The following GC variants were observed in gnomAD, a reference collection of about 807,000 sequenced individuals.
GC encodes the protein vitamin D-binding protein.
In GC, 43 loss-of-function variants were observed where a neutral mutation model predicts 56.7. The observed-to-expected ratio is 0.76, with a 90% CI of 0.59 to 0.98. GC has a LOEUF of 0.98. Ranked by LOEUF, GC falls within the 50% of genes least tolerant of loss-of-function variation. The probability of loss-of-function intolerance (pLI) is 0.00; values close to 1 mark genes in which losing one functional copy is unlikely to be tolerated. For synonymous variants in GC, 216 were observed against 202.7 expected, an observed-to-expected ratio of 1.07 and a Z score of -0.56; for missense variants, 529 against 545.9, an observed-to-expected ratio of 0.97 and a Z score of 0.31.
In GC at chr4:71,741,850, C is replaced by T; in HGVS notation, c.*46G>A. 1 of 702,944 alleles carries T rather than the reference C, an allele frequency of 1.4e-6. No homozygotes were observed. Among genetic ancestry groups the T allele is most frequent in the Non-Finnish European group, 2.6e-6 (1 of 384,972 alleles). The allele number at this position is 702,944 out of a possible 1,614,324, so 43.5% of individuals were successfully genotyped here. A position where few individuals can be genotyped will look rare whatever the true frequency, so the allele number is the denominator to read the frequency against. ...GGTTAGGTCATCAGAGATCATTCCC[C>T]TGGGTGGCTCCAACTCTGGTCTATG... On this transcript the variant is annotated 3_prime_UTR_variant, in exon 13 of 13. Coordinates refer to ENST00000273951, the MANE Select transcript of GC (RefSeq NM_000583.4).
intron 2 of GC, among the ~76,000 whole-genome samples, 194 bp from the exon 3 acceptor site, chr4:71,768,627 G>T (rs527492451): frequency 2.6e-5 from 4 of 152,000 alleles, no homozygotes; most frequent in Admixed American, 2.6e-4. Context: ...CAATACGCCC[G>T]GCTAATTTTT....
upstream of GC, among the ~76,000 whole-genome samples, chr4:71,788,501 G>A (rs766667718): frequency 6.6e-6 from 1 of 151,006 alleles, no homozygotes; most frequent in Non-Finnish European, 1.5e-5. Flanking sequence ...AGTTTATGAG[G>A]TCTTGTATAA....
chr4:71,764,053 C>T (rs1265592308), intron 4 of GC, 117 bp from the exon 5 acceptor site: 2 of 742,776 alleles, frequency 2.7e-6, no homozygotes, highest in Non-Finnish European at 2.3e-6. Flanking sequence ...ATAATCATAG[C>T]TCACTGCAGT....
intron 7 of GC, among the ~76,000 whole-genome samples, chr4:71,757,746 G>A (rs1286038016): frequency 6.6e-6 from 1 of 152,138 alleles, no homozygotes; most frequent in Non-Finnish European, 1.5e-5. Context: ...ATGACCATAT[G>A]TGGTAATGAA....
chr4:71,801,163 G>T (rs1239173791), intron 1 of GC, among the ~76,000 whole-genome samples: 1 of 152,104 alleles, frequency 6.6e-6, no homozygotes, highest in Admixed American at 6.5e-5. Flanking sequence ...TTTTAAATGG[G>T]CAAAGGATCT....
At chr4:71,803,909 G>T in intron 1 of GC, 1 of 1,449,234 alleles carries the variant, frequency 6.9e-7, no homozygotes, top group Non-Finnish European at 9.4e-7. Context: ...AAATTATTTG[G>T]AATTAGAACG....
At chr4:71,803,295 T>A (rs889767641) in intron 1 of GC, among the ~76,000 whole-genome samples, 2 of 152,206 alleles carry the variant, frequency 1.3e-5, no homozygotes, top group Admixed American at 1.3e-4. Flanking sequence ...AAAGTTGTTT[T>A]CTAGTAACAG....
At chr4:71,779,602 A>C (rs910135801) in intron 1 of GC, among the ~76,000 whole-genome samples, 1 of 151,906 alleles carries the variant, frequency 6.6e-6, no homozygotes, top group African/African-American at 2.4e-5. Flanking sequence ...TGAAGAAGTT[A>C]GGTGACCAAA....
chr4:71,772,685 G>A (rs959294804), intron 1 of GC, among the ~76,000 whole-genome samples: 2 of 152,106 alleles, frequency 1.3e-5, no homozygotes, highest in Non-Finnish European at 2.9e-5. Context: ...GCTTAAAGAG[G>A]TTTTGAAACT....
At chr4:71,778,382 C>T (rs1742574220) in intron 1 of GC, among the ~76,000 whole-genome samples, 1 of 151,720 alleles carries the variant, frequency 6.6e-6, no homozygotes, top group Non-Finnish European at 1.5e-5. Flanking sequence ...ACCATGACAC[C>T]CAGGTTAGCA....
At chr4:71,750,901 A>AAAC (rs1741532739) in intron 11 of GC, among the ~76,000 whole-genome samples, 1 of 1,616 alleles carries the variant, frequency 6.2e-4, no homozygotes, top group Non-Finnish European at 1.5e-3. Context: ...ACAAACAAAC[A>AAAC]AAAAAAAAAC....
At chr4:71,762,315 T>C (rs1156928276) in intron 6 of GC, among the ~76,000 whole-genome samples, 2 of 152,228 alleles carry the variant, frequency 1.3e-5, no homozygotes, top group Admixed American at 6.5e-5. Context: ...GGCCAATTTT[T>C]CCCATTTTTA....
At chr4:71,756,624 A>G in intron 8 of GC, 88 bp downstream of exon 8, 1 of 794,844 alleles carries the variant, frequency 1.3e-6, no homozygotes, top group Non-Finnish European at 2.2e-6. Flanking sequence ...AATGAGTGAT[A>G]GCATACCTTC....
intron 1 of GC, among the ~76,000 whole-genome samples, chr4:71,782,326 C>T (rs895630983): frequency 1.3e-5 from 2 of 151,856 alleles, no homozygotes; most frequent in South Asian, 2.1e-4. Context: ...CAGCTAGCTT[C>T]TAAGTAAACT....
intron 1 of GC, among the ~76,000 whole-genome samples, chr4:71,783,253 G>A (rs1361748573): frequency 6.6e-6 from 1 of 151,702 alleles, no homozygotes; most frequent in African/African-American, 2.4e-5. Context: ...AAAGTAAATT[G>A]AAGCTAATGA....
chr4:71,790,348 C>T (rs754648317), intron 1 of GC, among the ~76,000 whole-genome samples: 1 of 151,938 alleles, frequency 6.6e-6, no homozygotes, highest in Non-Finnish European at 1.5e-5. Context: ...AATGGTACAT[C>T]TTTTTACATA....
At chr4:71,763,650 C>A in intron 5 of GC, 148 bp from the exon 6 acceptor site, 1 of 761,442 alleles carries the variant, frequency 1.3e-6, no homozygotes, top group Non-Finnish European at 2.2e-6. Flanking sequence ...ATTACTTTTC[C>A]AGAGGTATTA....
chr4:71,759,123 T>A (rs1006569155), intron 6 of GC, among the ~76,000 whole-genome samples: 1 of 152,188 alleles, frequency 6.6e-6, no homozygotes, highest in East Asian at 1.9e-4. Flanking sequence ...GATTTTCTTT[T>A]TTTTTCAGGC....
At chr4:71,784,530 T>G (rs867388317), upstream of GC, among the ~76,000 whole-genome samples, 1 of 151,736 alleles carries the variant, frequency 6.6e-6, no homozygotes. Flanking sequence ...GCAGACCAGA[T>G]GTTCTAAGTA....
Sources: gnomAD v4.1 joint callset for allele counts (sites outside exome capture counted in the v4.1 genomes callset) on GRCh38, gnomAD v4.1.1 for gene constraint, MANE v1.5 for transcripts, NCBI Gene and HGNC (gene_info 2026-07-23, HGNC 2026-07-21) for gene names.